The following MAP3K5 variants were observed in gnomAD, a reference collection of about 807,000 sequenced individuals.
MAP3K5 encodes the protein ASK-1.
Under a neutral mutation model 158.7 loss-of-function variants are expected in MAP3K5, and 56 were observed. That is an observed-to-expected ratio of 0.35 (90% CI 0.28 to 0.44). The LOEUF is 0.44. MAP3K5 is among the 20% of genes least tolerant of loss of function. MAP3K5 has a pLI of 1.00. For synonymous variants in MAP3K5, 579 were observed against 601.7 expected (o/e 0.96, Z 0.55); for missense variants, 1,294 against 1,674.8 (o/e 0.77, Z 3.97).
Position 136,592,356 on chromosome 6 carries a change from G to A in MAP3K5, c.3057-15C>T. The A allele has an allele frequency of 1.3e-6, 2 of 1,589,866 alleles. No homozygotes were observed. The highest frequency in any genetic ancestry group is 2.2e-5 in the East Asian group (1 of 44,590). On this transcript the variant is annotated splice_polypyrimidine_tract_variant and intron_variant, in intron 22 of 29. Coordinates refer to ENST00000359015, the MANE Select transcript of MAP3K5 (RefSeq NM_005923.4). ...CATCTGGAATGCTGAGAAAATTTAT[G>A]CAGCATAAATCACAGTTCCCTTTAT...
chr6:136,778,444 T>C (rs948315346), intron 1 of MAP3K5, among the ~76,000 whole-genome samples: 4 of 152,250 alleles, frequency 2.6e-5, no homozygotes, highest in Non-Finnish European at 4.4e-5. Context: ...TAGTTCACTA[T>C]ATAATCTTGC....
At chr6:136,650,873 C>A (rs749435742) in intron 11 of MAP3K5, 111 bp downstream of exon 11, 11 of 585,944 alleles carry the variant, frequency 1.9e-5, no homozygotes, top group East Asian at 3.0e-5. Flanking sequence ...AGACACACAG[C>A]TGAGCTATTT....
intron 15 of MAP3K5, 121 bp downstream of exon 15, chr6:136,622,727 C>A: frequency 9.4e-7 from 1 of 1,066,940 alleles, no homozygotes; most frequent in Admixed American, 2.1e-5. Flanking sequence ...TCAGAAGGAG[C>A]TAATTCACAG....
At chr6:136,745,153 T>G (rs1020482037) in intron 1 of MAP3K5, among the ~76,000 whole-genome samples, 5 of 151,190 alleles carry the variant, frequency 3.3e-5, no homozygotes, top group South Asian at 2.1e-4. Flanking sequence ...GTTTTTTTTT[T>G]TTTTTTTTTT....
At chr6:136,624,185 C>T (rs935716150) in intron 14 of MAP3K5, among the ~76,000 whole-genome samples, 1 of 151,990 alleles carries the variant, frequency 6.6e-6, no homozygotes, top group African/African-American at 2.4e-5. Flanking sequence ...CAGAGCAAGA[C>T]TCCATCTCAA....
Position 136,773,052 on chromosome 6 carries a change from T to C in MAP3K5, c.448+18658A>G, listed in dbSNP as rs561006711. ...ATTCTCGGAAGGAAAAACAACTCTA[T>C]TTTCAGTCAATTAAAATTAGCAAGA... On this transcript the variant is annotated intron_variant, in intron 1 of 29. Transcript: ENST00000359015. Among the ~76,000 whole-genome samples the C allele has an allele frequency of 2.0e-5, 3 of 152,342 alleles. No homozygotes were observed. The East Asian group carries it at 5.8e-4, about 29-fold the overall frequency.
intron 1 of MAP3K5, among the ~76,000 whole-genome samples, chr6:136,775,661 C>G (rs1004086203): frequency 3.9e-5 from 6 of 152,198 alleles, no homozygotes; most frequent in Non-Finnish European, 8.8e-5. Flanking sequence ...TACATCCACT[C>G]CTGCAAACTT....
intron 1 of MAP3K5, among the ~76,000 whole-genome samples, chr6:136,786,800 C>CT (rs11296757): frequency 0.018 from 1,841 of 101,124 alleles, 26 homozygotes; most frequent in Middle Eastern, 0.029. Context: ...TTAAGTTCTT[C>CT]TTTTTTTTTT....
In MAP3K5 at chr6:136,583,716, A is replaced by C. The variant is rs746374533; in HGVS notation, c.3250T>G (p.Trp1084Gly). Residue 1084 changes from tryptophan to glycine, a missense_variant, in exon 24 of 30, where the codon TGG becomes GGG. By Grantham distance (184) the Trp-to-Gly change is radical. This residue lies in a region of MAP3K5 where 362 missense variants were observed against 463.2 expected (regional missense o/e 0.78). Transcript: ENST00000359015. ...AQGAEEPKLK[W>G]EHITTLIASL... ...GCAATGAGGGTTGTGATGTGTTCCCATTTTAGTTTCGGTTCTTCAGCCCCC... is the reference window on the plus strand; with the variant it reads ...GCAATGAGGGTTGTGATGTGTTCCCCTTTTAGTTTCGGTTCTTCAGCCCCC... The C allele has an allele frequency of 1.2e-6, 2 of 1,614,090 alleles. No homozygotes were observed. Among genetic ancestry groups the C allele is most frequent in the South Asian group, 2.2e-5 (2 of 91,076 alleles).
intron 1 of MAP3K5, among the ~76,000 whole-genome samples, chr6:136,755,022 C>T (rs534220937): frequency 6.6e-6 from 1 of 152,150 alleles, no homozygotes; most frequent in South Asian, 2.1e-4. Context: ...CCATTTACTC[C>T]TCTCTATCTA....
intron 15 of MAP3K5, among the ~76,000 whole-genome samples, chr6:136,620,986 TTCAAC>T (rs1776772293): frequency 6.6e-6 from 1 of 152,204 alleles, no homozygotes; most frequent in African/African-American, 2.4e-5. Context: ...CTATGTGAGA[TTCAAC>T]TCATTTCTTC....
intron 10 of MAP3K5, among the ~76,000 whole-genome samples, chr6:136,654,790 A>G (rs1192861636): frequency 2.0e-5 from 3 of 151,448 alleles, no homozygotes; most frequent in African/African-American, 7.3e-5. Context: ...ATTTTTTTGC[A>G]TATTTGGCAA....
chr6:136,578,071 T>G (rs546400694), intron 25 of MAP3K5, among the ~76,000 whole-genome samples: 10 of 152,312 alleles, frequency 6.6e-5, no homozygotes, highest in Admixed American at 1.3e-4. Flanking sequence ...TCATGGCCCA[T>G]ACCTCTCCCT....
chr6:136,788,472 AAG>A (rs1562708337), intron 1 of MAP3K5, among the ~76,000 whole-genome samples: 2 of 152,242 alleles, frequency 1.3e-5, no homozygotes, highest in Non-Finnish European at 2.9e-5. Flanking sequence ...AGACACTATT[AAG>A]AGAGTACAAA....
At chr6:136,636,576 T>C (rs894264249) in intron 14 of MAP3K5, among the ~76,000 whole-genome samples, 14 of 152,144 alleles carry the variant, frequency 9.2e-5, no homozygotes, top group African/African-American at 1.7e-4. Flanking sequence ...CACTCCAGCA[T>C]TGGTCCTTGC....
At chr6:136,577,839 TAACTA>T (rs1343260020) in intron 25 of MAP3K5, among the ~76,000 whole-genome samples, 2 of 152,256 alleles carry the variant, frequency 1.3e-5, no homozygotes, top group Non-Finnish European at 2.9e-5. Context: ...TATAAACTAT[TAACTA>T]AACTGCAGAT....
At chr6:136,638,346 G>A (rs1159105876) in intron 13 of MAP3K5, among the ~76,000 whole-genome samples, 1 of 152,162 alleles carries the variant, frequency 6.6e-6, no homozygotes, top group Non-Finnish European at 1.5e-5. Flanking sequence ...TGGGATGGGA[G>A]CACTAGCGTA....
chr6:136,763,141 C>T lies in MAP3K5; in HGVS notation c.448+28569G>A, dbSNP rs760296810. ...TCAAATAGCTGGGACCACAGGTGCA[C>T]GCCACCATGCCCAGCTAATTTTTTC... On this transcript the variant is annotated intron_variant, in intron 1 of 29. Coordinates refer to ENST00000359015, the MANE Select transcript of MAP3K5 (RefSeq NM_005923.4). Among the ~76,000 whole-genome samples, 59 of 152,096 alleles carry T rather than the reference C, an allele frequency of 3.9e-4. 2 individuals carry two copies. The highest frequency in any genetic ancestry group is 3.4e-3 in the Admixed American group (52 of 15,264).
chr6:136,778,769 T>C (rs772126320), intron 1 of MAP3K5, among the ~76,000 whole-genome samples: 1 of 152,246 alleles, frequency 6.6e-6, no homozygotes, highest in African/African-American at 2.4e-5. Context: ...TATGTGACAC[T>C]GAGACCACTG....
Sources: allele counts gnomAD v4.1 joint callset (sites outside exome capture counted in the v4.1 genomes callset), GRCh38; gene constraint gnomAD v4.1.1; regional missense constraint gnomAD v4.1.1; transcripts MANE v1.5; gene names NCBI Gene and HGNC (gene_info 2026-07-23, HGNC 2026-07-21).